Variants in TBC1D14 observed in about 807,000 individuals in gnomAD.
The protein encoded by TBC1D14 is TBC1 domain family member 14.
Under a neutral mutation model 79.0 loss-of-function variants are expected in TBC1D14, and 26 were observed. The ratio of observed to expected loss-of-function variants is 0.33; its 90% confidence interval spans 0.24 to 0.46. The LOEUF (loss-of-function observed/expected upper bound fraction) is 0.46, where lower values mean the gene tolerates loss of function less well. Ranked by LOEUF, TBC1D14 falls within the 20% of genes least tolerant of loss-of-function variation. The probability of loss-of-function intolerance (pLI) is 1.00; values close to 1 mark genes in which losing one functional copy is unlikely to be tolerated. For synonymous variants in TBC1D14, 394 were observed against 349.9 expected (o/e 1.13, Z -1.40); for missense variants, 769 against 887.6 (o/e 0.87, Z 1.70).
chr4:7,002,280 C>T (rs16839513), intron 7 of TBC1D14, among the ~76,000 whole-genome samples: 5,671 of 152,226 alleles, frequency 0.037, 359 homozygotes, highest in African/African-American at 0.13. Flanking sequence ...AGATGAATAA[C>T]GTTTAACTTG....
At chr4:6,940,071 G>A (rs11731681) in intron 2 of TBC1D14, among the ~76,000 whole-genome samples, 69,606 of 151,940 alleles carry the variant, frequency 0.46, 16,017 homozygotes, top group Middle Eastern at 0.52. Flanking sequence ...ATATTGGGGC[G>A]CAGCTGGTGC....
Position 6,923,733 on chromosome 4 carries a change from C to T in TBC1D14, c.344C>T (p.Pro115Leu). The change falls in exon 2 of 14, where the codon CCT (proline) becomes CTT (leucine). Residue 115 changes from proline (P) to leucine (L), a missense_variant. This residue lies in a region of TBC1D14 where 402 missense variants were observed against 393.2 expected (regional missense o/e 1.02). Coordinates refer to ENST00000409757, the MANE Select transcript of TBC1D14 (RefSeq NM_020773.3). ...CTGCCATCCTGTGCGCCACCAGCTCCTAGCAGCACCGAGCGGGAACAGAGC... is the reference window on the plus strand; with the variant it reads ...CTGCCATCCTGTGCGCCACCAGCTCTTAGCAGCACCGAGCGGGAACAGAGC... Reference protein sequence around the residue: ...CALPSCAPPAPSSTEREQSVR... With the variant: ...CALPSCAPPALSSTEREQSVR... 1.9e-6 allele frequency: 3 copies of T among 1,613,954 alleles called. No individual in the cohort carries two copies. Among genetic ancestry groups the T allele is most frequent in the Non-Finnish European group, 2.5e-6 (3 of 1,180,026 alleles).
At chr4:6,910,369 C>G (rs1393025109) in intron 1 of TBC1D14, 2 of 152,504 alleles carry the variant, frequency 1.3e-5, no homozygotes, top group East Asian at 3.9e-4. Flanking sequence ...GCGGACCCTC[C>G]TCCTTGGAGC....
chr4:6,948,431 T>C (rs1012851860), intron 2 of TBC1D14, among the ~76,000 whole-genome samples: 3 of 152,182 alleles, frequency 2.0e-5, no homozygotes, highest in African/African-American at 7.2e-5. Context: ...ATCCATTTAT[T>C]GTTGTCTAGT....
chr4:7,005,467 G>A (rs1464371328), intron 8 of TBC1D14, among the ~76,000 whole-genome samples: 9 of 152,290 alleles, frequency 5.9e-5, no homozygotes, highest in Non-Finnish European at 8.8e-5. Flanking sequence ...CCCGGGAGGT[G>A]GAGGTTGCAG....
intron 3 of TBC1D14, among the ~76,000 whole-genome samples, chr4:6,983,667 C>T (rs1354662492): frequency 2.6e-5 from 4 of 152,196 alleles, no homozygotes; most frequent in Admixed American, 2.6e-4. Flanking sequence ...AATTACATAT[C>T]ATACTTCCAC....
At chr4:7,007,202 T>G (rs1018358721) in intron 9 of TBC1D14, among the ~76,000 whole-genome samples, 1 of 151,830 alleles carries the variant, frequency 6.6e-6, no homozygotes, top group Non-Finnish European at 1.5e-5. Context: ...GGGTGACAGG[T>G]TTCTGAGCAG....
intron 2 of TBC1D14, among the ~76,000 whole-genome samples, chr4:6,960,528 T>G (rs577655752): frequency 6.6e-6 from 1 of 152,236 alleles, no homozygotes; most frequent in African/African-American, 2.4e-5. Context: ...TGTATGATTA[T>G]GTACCTTGCT....
chr4:6,973,416 C>T (rs1716391862), intron 3 of TBC1D14, among the ~76,000 whole-genome samples: 1 of 152,108 alleles, frequency 6.6e-6, no homozygotes, highest in Non-Finnish European at 1.5e-5. Flanking sequence ...CTTTCATTAT[C>T]CCTTACGCCT....
At chr4:6,917,933 CGGTA>C (rs1723534801) in intron 1 of TBC1D14, among the ~76,000 whole-genome samples, 1 of 152,120 alleles carries the variant, frequency 6.6e-6, no homozygotes, top group Non-Finnish European at 1.5e-5. Context: ...TTTGGTTTTA[CGGTA>C]TGTTGCAAGC....
At chr4:7,001,576 G>A (rs1292464928) in intron 7 of TBC1D14, 2 of 277,782 alleles carry the variant, frequency 7.2e-6, no homozygotes, top group Non-Finnish European at 1.4e-5. Flanking sequence ...TGTGGAAGGG[G>A]CAGGTGGTTC....
intron 2 of TBC1D14, among the ~76,000 whole-genome samples, chr4:6,949,184 G>C (rs956033523): frequency 6.6e-6 from 1 of 151,794 alleles, no homozygotes; most frequent in Non-Finnish European, 1.5e-5. Flanking sequence ...AAAAAAAAAG[G>C]CTGGGCGCAG....
At chr4:6,992,620 G>T (rs994062879) in intron 3 of TBC1D14, among the ~76,000 whole-genome samples, 1 of 152,210 alleles carries the variant, frequency 6.6e-6, no homozygotes, top group African/African-American at 2.4e-5. Flanking sequence ...AGCACCTCAT[G>T]GGGTATGTGT....
intron 2 of TBC1D14, among the ~76,000 whole-genome samples, chr4:6,931,130 A>T (rs1246288004): frequency 6.6e-6 from 1 of 152,024 alleles, no homozygotes; most frequent in Admixed American, 6.6e-5. Context: ...CGAACTTCTG[A>T]CTTCGTGATC....
At chr4:6,958,077 T>C (rs1245393706) in intron 2 of TBC1D14, among the ~76,000 whole-genome samples, 1 of 151,992 alleles carries the variant, frequency 6.6e-6, no homozygotes, top group East Asian at 1.9e-4. Context: ...CTCATCCTGC[T>C]CCCAGGTTCT....
intron 11 of TBC1D14, among the ~76,000 whole-genome samples, chr4:7,013,344 G>A (rs1040235466): frequency 1.3e-5 from 2 of 152,306 alleles, no homozygotes; most frequent in East Asian, 1.9e-4. Context: ...ACTCCCTTTT[G>A]GGAGCCACCG....
intron 2 of TBC1D14, among the ~76,000 whole-genome samples, chr4:6,932,814 G>A (rs1042887485): frequency 4.6e-5 from 7 of 152,124 alleles, no homozygotes; most frequent in African/African-American, 9.7e-5. Flanking sequence ...AGGAGTTGCC[G>A]TGGTGTTTTG....
intron 2 of TBC1D14, among the ~76,000 whole-genome samples, chr4:6,952,855 G>A (rs1175965343): frequency 6.6e-6 from 1 of 151,532 alleles, no homozygotes; most frequent in Non-Finnish European, 1.5e-5. Flanking sequence ...TGTTGTTTTT[G>A]TTTTGTTTTT....
intron 2 of TBC1D14, among the ~76,000 whole-genome samples, chr4:6,949,303 C>G (rs1214783871): frequency 1.3e-5 from 2 of 152,008 alleles, no homozygotes; most frequent in Non-Finnish European, 2.9e-5. Flanking sequence ...ATTTTAGAAT[C>G]AGTTTGGCAG....
Sources: allele counts gnomAD v4.1 joint callset (sites outside exome capture counted in the v4.1 genomes callset), GRCh38; gene constraint gnomAD v4.1.1; regional missense constraint gnomAD v4.1.1; transcripts MANE v1.5; gene names NCBI Gene and HGNC (gene_info 2026-07-23, HGNC 2026-07-21).